ENOX1: variants seen among roughly 807,000 people sequenced by gnomAD.
ENOX1 encodes the protein ecto-NOX disulfide-thiol exchanger 1.
A neutral mutation model predicts 82.5 loss-of-function variants in ENOX1; 42 were observed. That is an observed-to-expected ratio of 0.51 (90% CI 0.40 to 0.66). The LOEUF is 0.66. Among genes scored for constraint, ENOX1 ranks in the 30% least tolerant of loss-of-function variants. The pLI, the probability that ENOX1 is intolerant of heterozygous loss-of-function variation, is 0.00. For synonymous variants in ENOX1, 271 were observed against 282.2 expected (o/e 0.96, Z 0.40); for missense variants, 608 against 811.6 (o/e 0.75, Z 3.05).
chr13:43,383,036 G>A (rs180915898), intron 5 of ENOX1, among the ~76,000 whole-genome samples: 6 of 152,242 alleles, frequency 3.9e-5, no homozygotes, highest in Admixed American at 3.9e-4. Context: ...CCAGTTATAT[G>A]CCAATTCTAT....
At chr13:43,431,132 C>A (rs531400047) in intron 3 of ENOX1, among the ~76,000 whole-genome samples, 2 of 152,268 alleles carry the variant, frequency 1.3e-5, no homozygotes, top group South Asian at 4.1e-4. Context: ...TAACTCTTGT[C>A]TTCATAGGGC....
intron 1 of ENOX1, among the ~76,000 whole-genome samples, chr13:43,768,703 C>T (rs1441677783): frequency 1.3e-5 from 2 of 152,184 alleles, no homozygotes; most frequent in African/African-American, 4.8e-5. Flanking sequence ...AACATACATA[C>T]ACCATATTAC....
At chr13:43,782,653 ATTAAAG>A (rs893083981) in intron 1 of ENOX1, among the ~76,000 whole-genome samples, 2 of 152,222 alleles carry the variant, frequency 1.3e-5, no homozygotes, top group Non-Finnish European at 2.9e-5. Flanking sequence ...AAGGAGTTAT[ATTAAAG>A]TTAAATGCTT....
At chr13:43,586,541 T>C (rs1444330210) in intron 2 of ENOX1, among the ~76,000 whole-genome samples, 1 of 152,202 alleles carries the variant, frequency 6.6e-6, no homozygotes, top group African/African-American at 2.4e-5. Context: ...GGGACCTCTC[T>C]TCATCTCTTT....
intron 1 of ENOX1, among the ~76,000 whole-genome samples, chr13:43,758,888 T>C (rs1383736048): frequency 3.3e-5 from 5 of 152,152 alleles, no homozygotes; most frequent in African/African-American, 4.8e-5. Flanking sequence ...TCAATAAACA[T>C]AGTCATAAAT....
chr13:43,292,948 AC>A (rs1189050910), intron 12 of ENOX1, among the ~76,000 whole-genome samples: 6 of 151,878 alleles, frequency 4.0e-5, no homozygotes, highest in Non-Finnish European at 7.4e-5. Context: ...CAACATGGCC[AC>A]CTTCTCCACC....
At chr13:43,661,830 C>T (rs992673496) in intron 2 of ENOX1, among the ~76,000 whole-genome samples, 1 of 152,150 alleles carries the variant, frequency 6.6e-6, no homozygotes, top group Non-Finnish European at 1.5e-5. Flanking sequence ...TCTGTGATAT[C>T]ATTTGGTTTT....
intron 1 of ENOX1, among the ~76,000 whole-genome samples, chr13:43,690,452 C>A (rs1335109556): frequency 6.6e-6 from 1 of 152,072 alleles, no homozygotes; most frequent in Non-Finnish European, 1.5e-5. Flanking sequence ...CAATGCTACC[C>A]ATATTTCCTT....
At chr13:43,434,936 GGTTTTTT>G (rs1302091851) in intron 3 of ENOX1, among the ~76,000 whole-genome samples, 43 of 67,838 alleles carry the variant, frequency 6.3e-4, no homozygotes, top group African/African-American at 1.8e-3. Context: ...GTGTGTGTGT[GGTTTTTT>G]TTTTTTTTTT....
intron 13 of ENOX1, 107 bp downstream of exon 13, chr13:43,269,363 G>T: frequency 2.4e-6 from 2 of 843,180 alleles, no homozygotes; most frequent in Non-Finnish European, 4.0e-6. Context: ...CAGACTAATT[G>T]TACTGCAGAT....
intron 1 of ENOX1, among the ~76,000 whole-genome samples, chr13:43,709,350 G>C (rs1386939670): frequency 6.6e-6 from 1 of 150,848 alleles, no homozygotes. Context: ...AATAACAAAG[G>C]AACAAAAAAA....
intron 1 of ENOX1, among the ~76,000 whole-genome samples, chr13:43,674,313 G>C (rs1054768387): frequency 2.0e-5 from 3 of 152,190 alleles, no homozygotes; most frequent in Non-Finnish European, 1.5e-5. Context: ...GAGAATGTCA[G>C]AGTGCAATAG....
At chr13:43,625,057 G>A (rs190872154) in intron 2 of ENOX1, among the ~76,000 whole-genome samples, 1 of 151,942 alleles carries the variant, frequency 6.6e-6, no homozygotes, top group Admixed American at 6.5e-5. Flanking sequence ...CATCAGTATT[G>A]TATAGTATTC....
chr13:43,478,254 G>A (rs1012652037), intron 3 of ENOX1, among the ~76,000 whole-genome samples: 5 of 151,866 alleles, frequency 3.3e-5, no homozygotes, highest in African/African-American at 7.3e-5. Flanking sequence ...TTAGATATAC[G>A]CCCACAATAA....
At chr13:43,563,962 G>A (rs2079805236) in intron 2 of ENOX1, among the ~76,000 whole-genome samples, 1 of 151,412 alleles carries the variant, frequency 6.6e-6, no homozygotes, top group Non-Finnish European at 1.5e-5. Flanking sequence ...AAAAAAAAAG[G>A]AGGAAGGAAT....
chr13:43,309,667 T>C (rs2047075361), intron 11 of ENOX1, among the ~76,000 whole-genome samples: 1 of 152,214 alleles, frequency 6.6e-6, no homozygotes, highest in African/African-American at 2.4e-5. Context: ...AGCATTAGTC[T>C]TGGAGTCCTT....
chr13:43,613,879 C>G (rs936773991), intron 2 of ENOX1, among the ~76,000 whole-genome samples: 1 of 151,844 alleles, frequency 6.6e-6, no homozygotes, highest in African/African-American at 2.4e-5. Context: ...TGCAGTGAGC[C>G]GCCGAGATCA....
intron 2 of ENOX1, among the ~76,000 whole-genome samples, chr13:43,529,439 G>T (rs1042832317): frequency 1.3e-5 from 2 of 152,092 alleles, no homozygotes; most frequent in Non-Finnish European, 2.9e-5. Flanking sequence ...GTGAAAAAGT[G>T]AAAGTTCTTA....
At chr13:43,392,772 T>C (rs894514279) in intron 5 of ENOX1, among the ~76,000 whole-genome samples, 3 of 152,248 alleles carry the variant, frequency 2.0e-5, no homozygotes, top group Non-Finnish European at 4.4e-5. Flanking sequence ...TCTATATATT[T>C]TGGTTTCATG....
Sources: allele counts gnomAD v4.1 joint callset (sites outside exome capture counted in the v4.1 genomes callset), GRCh38; gene constraint gnomAD v4.1.1; transcripts MANE v1.5; gene names NCBI Gene and HGNC (gene_info 2026-07-23, HGNC 2026-07-21).